The following INVS variants were observed in gnomAD, a reference collection of about 807,000 sequenced individuals.
INVS encodes inversion of embryo turning homolog.
In INVS, 86 loss-of-function variants were observed where a neutral mutation model predicts 108.8. The observed-to-expected ratio is 0.79, with a 90% CI of 0.66 to 0.95. The LOEUF (loss-of-function observed/expected upper bound fraction) is 0.95. Among genes scored for constraint, INVS ranks in the 40% least tolerant of loss-of-function variants. INVS has a pLI of 0.00. For synonymous variants in INVS, 455 were observed against 473.5 expected (o/e 0.96, Z 0.51); for missense variants, 1,169 against 1,297.4 (o/e 0.90, Z 1.52).
Position 100,297,122 on chromosome 9 carries a change from C to T in INVS, c.2992C>T (p.His998Tyr). Reference protein sequence around the residue: ...KGTSGTKSTKHSVLKQIYGCS... With the variant: ...KGTSGTKSTKYSVLKQIYGCS... ...CACCTCAGGCACAAAGTCCACCAAG[C>T]ACTCAGTGCTTAAGCAAATCTATGG... The change falls in exon 15 of 17, where the codon CAC becomes TAC. Residue 998 changes from histidine (H) to tyrosine (Y), a missense_variant. His to Tyr is a moderately conservative substitution (Grantham distance 83, BLOSUM62 2). This residue lies in a region of INVS where 533 missense variants were observed against 536.0 expected (regional missense o/e 0.99). Transcript: ENST00000262457. 2 of 1,614,092 alleles carry T rather than the reference C, an allele frequency of 1.2e-6. No individual in the cohort carries two copies. Among genetic ancestry groups the T allele is most frequent in the Non-Finnish European group, 1.7e-6 (2 of 1,179,990 alleles).
chr9:100,234,430 T>C (rs995517215), intron 5 of INVS, among the ~76,000 whole-genome samples: 14 of 152,174 alleles, frequency 9.2e-5, no homozygotes, highest in Non-Finnish European at 2.1e-4. Flanking sequence ...TTGCTCTTGA[T>C]TCTCTACTTG....
intron 7 of INVS, 32 bp from the exon 8 acceptor site, chr9:100,246,584 G>T (rs760201265): frequency 6.5e-7 from 1 of 1,526,766 alleles, no homozygotes; most frequent in East Asian, 2.3e-5. Context: ...CTACTGTTTT[G>T]TCTCCATTTT....
intron 12 of INVS, among the ~76,000 whole-genome samples, chr9:100,278,379 C>T (rs1235413004): frequency 1.3e-5 from 2 of 152,066 alleles, no homozygotes; most frequent in Non-Finnish European, 2.9e-5. Context: ...CTTTTTCTCC[C>T]CGTTTAATTA....
rs111840019 is a variant in INVS, at chr9:100,151,154, T to A, written c.273+24605T>A. Among the ~76,000 whole-genome samples the A allele has an allele frequency of 4.6e-3, 701 of 152,246 alleles. 7 individuals carry two copies. The highest frequency in any genetic ancestry group is 0.016 in the African/African-American group (664 of 41,556). On this transcript the variant is annotated intron_variant, in intron 3 of 16. Coordinates refer to ENST00000262457, the MANE Select transcript of INVS (RefSeq NM_014425.5). ...AACAGTCAGAACAAAGGCCTTCAGA[T>A]GGGAGCATGCCTAGAATTTTTGCAA...
intron 8 of INVS, among the ~76,000 whole-genome samples, chr9:100,249,712 T>C (rs1305907843): frequency 1.3e-5 from 2 of 151,080 alleles, no homozygotes; most frequent in East Asian, 4.0e-4. Flanking sequence ...CAGGCTGGTC[T>C]TGAACATCTG....
intron 3 of INVS, among the ~76,000 whole-genome samples, chr9:100,187,548 A>G (rs1830090977): frequency 3.5e-5 from 3 of 86,530 alleles, no homozygotes; most frequent in African/African-American, 9.0e-5. Flanking sequence ...TTTTTTTGAG[A>G]CAAAGTCTCA....
intron 2 of INVS, chr9:100,117,533 C>T (rs1422881042): frequency 1.9e-6 from 2 of 1,049,410 alleles, no homozygotes; most frequent in Non-Finnish European, 2.9e-6. Context: ...ACCCCGGCCC[C>T]GGATGCCACT....
intron 3 of INVS, among the ~76,000 whole-genome samples, chr9:100,189,678 A>G (rs554628587): frequency 2.0e-5 from 3 of 152,228 alleles, no homozygotes; most frequent in Admixed American, 6.5e-5. Context: ...TTTGTTGCCT[A>G]TCATGTGTTC....
At chr9:100,181,551 C>G (rs1829888011) in intron 3 of INVS, among the ~76,000 whole-genome samples, 1 of 152,118 alleles carries the variant, frequency 6.6e-6, no homozygotes. Context: ...AGGAATACAA[C>G]TATCAAGTGA....
intron 2 of INVS, among the ~76,000 whole-genome samples, chr9:100,111,233 C>T (rs181114548): frequency 7.2e-5 from 11 of 152,322 alleles, no homozygotes; most frequent in African/African-American, 7.2e-5. Context: ...ATAGAGACTA[C>T]TCTTGTTACT....
chr9:100,131,500 C>T (rs1431527851), intron 3 of INVS, among the ~76,000 whole-genome samples: 1 of 152,060 alleles, frequency 6.6e-6, no homozygotes, highest in Non-Finnish European at 1.5e-5. Context: ...ATTTGTTTTT[C>T]ATTTAGAACC....
At chr9:100,117,783 A>C in intron 2 of INVS, 1 of 480,972 alleles carries the variant, frequency 2.1e-6, no homozygotes, top group Non-Finnish European at 3.6e-6. Context: ...TATGTTTGAA[A>C]CCCTAACCCT....
intron 14 of INVS, among the ~76,000 whole-genome samples, chr9:100,294,105 C>T (rs1293929098): frequency 6.6e-6 from 1 of 152,102 alleles, no homozygotes; most frequent in East Asian, 1.9e-4. Flanking sequence ...GAGGTCAAGG[C>T]CACAGTGAGC....
chr9:100,270,297 A>C (rs1832911207), intron 11 of INVS, among the ~76,000 whole-genome samples: 1 of 152,188 alleles, frequency 6.6e-6, no homozygotes. Flanking sequence ...TTATGTTTCC[A>C]AAATTTATGA....
At chr9:100,196,139 G>T (rs955485316) in intron 3 of INVS, among the ~76,000 whole-genome samples, 1 of 151,942 alleles carries the variant, frequency 6.6e-6, no homozygotes, top group African/African-American at 2.4e-5. Context: ...TTTTCGATTT[G>T]GTAGGAAGGT....
At chr9:100,288,560 G>C (rs572950100) in intron 13 of INVS, among the ~76,000 whole-genome samples, 14 of 152,146 alleles carry the variant, frequency 9.2e-5, no homozygotes, top group Non-Finnish European at 1.9e-4. Flanking sequence ...TTGTCGAGCT[G>C]AGAGGGCCTA....
At chr9:100,254,792 C>T (rs1448798480) in intron 10 of INVS, among the ~76,000 whole-genome samples, 3 of 152,090 alleles carry the variant, frequency 2.0e-5, no homozygotes, top group Non-Finnish European at 4.4e-5. Flanking sequence ...GTTTAGGTGC[C>T]AGTACCATGC....
chr9:100,253,588 C>T (rs34088234), intron 10 of INVS, among the ~76,000 whole-genome samples: 1,683 of 152,132 alleles, frequency 0.011, 16 homozygotes, highest in African/African-American at 0.016. Context: ...CACCAGCCCC[C>T]GGTGTGTGAT....
At chr9:100,286,124 C>T (rs1833432994) in intron 13 of INVS, among the ~76,000 whole-genome samples, 3 of 152,140 alleles carry the variant, frequency 2.0e-5, no homozygotes, top group Admixed American at 1.3e-4. Context: ...ACTTTCTACA[C>T]CACAAGGTAG....
Sources: allele counts gnomAD v4.1 joint callset (sites outside exome capture counted in the v4.1 genomes callset), GRCh38; gene constraint gnomAD v4.1.1; regional missense constraint gnomAD v4.1.1; transcripts MANE v1.5; gene names NCBI Gene and HGNC (gene_info 2026-07-23, HGNC 2026-07-21).